Variants in VWA8 observed in about 807,000 individuals in gnomAD.
VWA8 encodes von Willebrand factor A domain-containing protein 8.
A neutral mutation model predicts 241.5 loss-of-function variants in VWA8; 221 were observed. That is an observed-to-expected ratio of 0.91 (90% CI 0.82 to 1.02). The LOEUF (loss-of-function observed/expected upper bound fraction) is 1.02, where lower values mean the gene tolerates loss of function less well. Among genes scored for constraint, VWA8 ranks in the 50% least tolerant of loss-of-function variants. The pLI is 0.00. For synonymous variants in VWA8, 852 were observed against 827.1 expected (o/e 1.03, Z -0.52); for missense variants, 2,322 against 2,328.7 (o/e 1.00, Z 0.06).
chr13:41,590,808 T>G, intron 40 of VWA8, 43 bp from the exon 41 acceptor site: 1 of 1,605,840 alleles, frequency 6.2e-7, no homozygotes, highest in East Asian at 2.2e-5. Context: ...TAATTAGTTA[T>G]GCAGAGTCTC....
intron 40 of VWA8, among the ~76,000 whole-genome samples, chr13:41,596,981 T>G (rs1478545648): frequency 6.6e-6 from 1 of 152,156 alleles, no homozygotes; most frequent in Non-Finnish European, 1.5e-5. Flanking sequence ...TCAAGACTTT[T>G]TTTTTACCTA....
At chr13:41,815,467 T>C (rs1870650078) in intron 16 of VWA8, among the ~76,000 whole-genome samples, 1 of 152,116 alleles carries the variant, frequency 6.6e-6, no homozygotes, top group Non-Finnish European at 1.5e-5. Flanking sequence ...ATCCTCCTTG[T>C]AGGAGGGAGA....
intron 21 of VWA8, among the ~76,000 whole-genome samples, chr13:41,735,686 A>G (rs1280879163): frequency 6.6e-6 from 1 of 152,140 alleles, no homozygotes; most frequent in Admixed American, 6.5e-5. Context: ...ATGTTTCAGT[A>G]AGTTACCCTC....
At chr13:41,805,676 T>C (rs892539327) in intron 17 of VWA8, among the ~76,000 whole-genome samples, 5 of 151,976 alleles carry the variant, frequency 3.3e-5, no homozygotes, top group Non-Finnish European at 7.4e-5. Flanking sequence ...TAGCTGGTCA[T>C]GGTGGTGCAC....
At chr13:41,781,889 G>A (rs1159714829) in intron 19 of VWA8, among the ~76,000 whole-genome samples, 3 of 152,124 alleles carry the variant, frequency 2.0e-5, no homozygotes, top group East Asian at 1.9e-4. Context: ...TGGAAAACAC[G>A]TTTTAAAAGT....
In VWA8 at chr13:41,931,704, A is replaced by T. The variant is rs191835760; in HGVS notation, c.241+18232T>A. ...TGTTATATGTTACATATAAAAAATTAAAAAAAAAACTAACACATGGGCAAA... is the reference window on the plus strand; with the variant it reads ...TGTTATATGTTACATATAAAAAATTTAAAAAAAAACTAACACATGGGCAAA... On this transcript the variant is annotated intron_variant, in intron 2 of 44. Transcript: ENST00000379310. 2.4e-3 allele frequency among the ~76,000 whole-genome samples: 336 copies of T among 137,914 alleles called. 2 individuals are homozygous for T. The highest frequency in any genetic ancestry group is 7.7e-3 in the African/African-American group (297 of 38,638). The allele number at this position is 137,914 out of a possible 152,430, so 90.5% of individuals were successfully genotyped here. A position where few individuals can be genotyped will look rare whatever the true frequency, so the allele number is the denominator to read the frequency against.
intron 14 of VWA8, among the ~76,000 whole-genome samples, chr13:41,821,653 TA>T (rs1345935454): frequency 6.6e-6 from 1 of 152,106 alleles, no homozygotes; most frequent in Non-Finnish European, 1.5e-5. Flanking sequence ...TAAATGAAAC[TA>T]CAGATACGGC....
chr13:41,779,244 G>T (rs1304609298), intron 19 of VWA8, among the ~76,000 whole-genome samples: 1 of 147,710 alleles, frequency 6.8e-6, no homozygotes, highest in Non-Finnish European at 1.5e-5. Flanking sequence ...AAATATATAT[G>T]ATATAAATAT....
At chr13:41,897,997 A>C (rs901008568) in intron 4 of VWA8, among the ~76,000 whole-genome samples, 6 of 151,978 alleles carry the variant, frequency 3.9e-5, no homozygotes, top group African/African-American at 1.5e-4. Flanking sequence ...GGTTCTCCAC[A>C]TCCCCACCAG....
In VWA8 at chr13:41,703,390, C is replaced by G; in HGVS notation, c.3138G>C (p.Thr1046=). 1 of 1,614,028 alleles carries G rather than the reference C, an allele frequency of 6.2e-7. No homozygotes were observed. Among genetic ancestry groups the G allele is most frequent in the Non-Finnish European group, 8.5e-7 (1 of 1,179,944 alleles). Residue 1046 remains threonine, a synonymous_variant, in exon 27 of 45, where the codon ACG becomes ACC. Coordinates refer to ENST00000379310, the MANE Select transcript of VWA8 (RefSeq NM_015058.2). ...LAKELTLPEQ[T]FMGYWTIGQA... Reference sequence around the variant, plus strand: ...GACCAATTGTCCAGTAGCCCATGAACGTTTGTTCTGGCAGAGTCAACCTGT... The same window carrying G: ...GACCAATTGTCCAGTAGCCCATGAAGGTTTGTTCTGGCAGAGTCAACCTGT...
At chr13:41,639,580 C>A (rs996725358) in intron 37 of VWA8, among the ~76,000 whole-genome samples, 1 of 152,152 alleles carries the variant, frequency 6.6e-6, no homozygotes, top group Non-Finnish European at 1.5e-5. Flanking sequence ...TCAAGAAATG[C>A]TACCTTTGAA....
At chr13:41,635,639 G>A (rs906663749) in intron 37 of VWA8, among the ~76,000 whole-genome samples, 2 of 152,082 alleles carry the variant, frequency 1.3e-5, no homozygotes, top group African/African-American at 4.8e-5. Flanking sequence ...AGCCAGAACT[G>A]GGAGGGGATC....
chr13:41,765,178 G>T (rs79968583), intron 20 of VWA8, among the ~76,000 whole-genome samples: 4 of 152,036 alleles, frequency 2.6e-5, no homozygotes, highest in Non-Finnish European at 5.9e-5. Context: ...TTAGCTGGGT[G>T]GGGGAGGGAA....
At chr13:41,634,228 T>C (rs1345106648) in intron 37 of VWA8, among the ~76,000 whole-genome samples, 3 of 152,148 alleles carry the variant, frequency 2.0e-5, no homozygotes, top group Non-Finnish European at 2.9e-5. Flanking sequence ...CACCAGACTT[T>C]CCTTGGTGTC....
Position 41,830,160 on chromosome 13 carries a change from A to C in VWA8, c.1700+369T>G, listed in dbSNP as rs1473497240. On this transcript the variant is annotated intron_variant, in intron 14 of 44. Coordinates refer to ENST00000379310, the MANE Select transcript of VWA8 (RefSeq NM_015058.2). ...TGGGAGGCTGAGGCAGGAGAATGGC[A>C]TGGACCTGGGAGGCGGAGCTTGCAA... Among the ~76,000 whole-genome samples the C allele has an allele frequency of 2.0e-5, 3 of 151,302 alleles. No homozygotes were observed. The East Asian group carries it at 5.9e-4, about 30-fold the overall frequency.
At chr13:41,586,895 G>A (rs1164977628) in intron 42 of VWA8, among the ~76,000 whole-genome samples, 1 of 152,174 alleles carries the variant, frequency 6.6e-6, no homozygotes, top group African/African-American at 2.4e-5. Flanking sequence ...CAGAAGTGCA[G>A]GTGCTCTCTG....
chr13:41,883,297 A>G, intron 9 of VWA8, 90 bp downstream of exon 9: 1 of 964,108 alleles, frequency 1.0e-6, no homozygotes, highest in Non-Finnish European at 1.6e-6. Flanking sequence ...AAAAATAGGA[A>G]AGGTGGGGAA....
intron 12 of VWA8, among the ~76,000 whole-genome samples, chr13:41,835,322 G>A (rs192505280): frequency 3.9e-5 from 6 of 152,260 alleles, no homozygotes; most frequent in African/African-American, 1.4e-4. Context: ...AAAGACCTTT[G>A]AAAAACAGTA....
intron 37 of VWA8, among the ~76,000 whole-genome samples, chr13:41,630,664 T>C (rs1305780325): frequency 3.3e-5 from 5 of 152,016 alleles, no homozygotes; most frequent in African/African-American, 1.2e-4. Context: ...TAAGTGCTAT[T>C]ATCGTGCAAC....
Sources: gnomAD v4.1 joint callset for allele counts (sites outside exome capture counted in the v4.1 genomes callset) on GRCh38, gnomAD v4.1.1 for gene constraint, MANE v1.5 for transcripts, NCBI Gene and HGNC (gene_info 2026-07-23, HGNC 2026-07-21) for gene names.